The following TMEM132D variants were observed in gnomAD, a reference collection of about 807,000 sequenced individuals.
TMEM132D encodes the protein transmembrane protein 132D.
In TMEM132D, 21 loss-of-function variants were observed where a neutral mutation model predicts 62.3. That is an observed-to-expected ratio of 0.34 (90% CI 0.24 to 0.49). The LOEUF (loss-of-function observed/expected upper bound fraction) is 0.49. TMEM132D is among the 20% of genes least tolerant of loss of function. The pLI is 0.99. For synonymous variants in TMEM132D, 621 were observed against 575.6 expected, an observed-to-expected ratio of 1.08 and a Z score of -1.13; for missense variants, 1,346 against 1,402.8, an observed-to-expected ratio of 0.96 and a Z score of 0.65.
At chr12:129,703,543 A>G (rs936316782) in intron 1 of TMEM132D, among the ~76,000 whole-genome samples, 1 of 151,868 alleles carries the variant, frequency 6.6e-6, no homozygotes, top group Non-Finnish European at 1.5e-5. Context: ...AGTAAAACTC[A>G]TTATCCTCTC....
rs574883920 is a variant in TMEM132D, at chr12:129,270,330, A to G, written c.1300-60667T>C. Among the ~76,000 whole-genome samples, 10 of 152,342 alleles carry G rather than the reference A, an allele frequency of 6.6e-5. No homozygotes were observed. In the South Asian group the frequency reaches 1.9e-3, roughly 28 times the overall value. ...TCTGGTTACCATAGAAACCCTGTAG[A>G]ACACAGGGTACCACTTGAGTTTAAA... is the stretch of plus-strand genomic sequence containing the variant. On this transcript the variant is annotated intron_variant, in intron 4 of 8. Transcript: ENST00000422113.
At chr12:129,167,267 T>A (rs1298692772) in intron 5 of TMEM132D, among the ~76,000 whole-genome samples, 1 of 151,664 alleles carries the variant, frequency 6.6e-6, no homozygotes, top group African/African-American at 2.4e-5. Flanking sequence ...GGCCTCACCA[T>A]CTCGCAGCAG....
At position 129,371,002 on chromosome 12, in the gene TMEM132D, T is replaced by C. The variant is rs1870581340; in HGVS notation, c.1116-33185A>G. 6.6e-6 allele frequency among the ~76,000 whole-genome samples: 1 copy of C among 152,212 alleles called. No individual in the cohort carries two copies. The highest frequency in any genetic ancestry group is 6.5e-5 in the Admixed American group (1 of 15,272). On this transcript the variant is annotated intron_variant, in intron 3 of 8. Transcript: ENST00000422113. The surrounding 1 kb of genome is among the most constrained non-coding windows in gnomAD (Gnocchi z 4.3). ...TTATAGTTAACAATAATTAATTATA[T>C]GTTACAAAAAAATAGCCATAGGAGA... is the stretch of plus-strand genomic sequence containing the variant.
chr12:129,254,519 T>C (rs1271568076), intron 4 of TMEM132D, among the ~76,000 whole-genome samples: 1 of 152,140 alleles, frequency 6.6e-6, no homozygotes, highest in African/African-American at 2.4e-5. Flanking sequence ...GATCCCTCAG[T>C]AATCAAATGG....
chr12:129,559,348 G>A (rs978153430), intron 2 of TMEM132D, among the ~76,000 whole-genome samples: 1 of 152,178 alleles, frequency 6.6e-6, no homozygotes, highest in Non-Finnish European at 1.5e-5. Flanking sequence ...CCTTTGAATG[G>A]TTTTGCATAG....
chr12:129,089,534 GTCCTCCATGACC>G (rs1158029043), intron 5 of TMEM132D, among the ~76,000 whole-genome samples: 1 of 75,520 alleles, frequency 1.3e-5, no homozygotes, highest in Non-Finnish European at 3.4e-5. Flanking sequence ...ATGACCGGGT[GTCCTCCATGACC>G]GGGTGTCCTC....
At chr12:129,322,704 T>C (rs535152667) in intron 4 of TMEM132D, among the ~76,000 whole-genome samples, 2 of 152,304 alleles carry the variant, frequency 1.3e-5, no homozygotes, top group South Asian at 4.1e-4. Flanking sequence ...CTGTTTGATA[T>C]CTTAGGAAAG....
intron 3 of TMEM132D, among the ~76,000 whole-genome samples, chr12:129,437,176 G>A (rs762123690): frequency 6.6e-6 from 1 of 152,122 alleles, no homozygotes; most frequent in Non-Finnish European, 1.5e-5. Context: ...TGGATGATAA[G>A]GTCCTTTGCC....
intron 3 of TMEM132D, among the ~76,000 whole-genome samples, chr12:129,498,049 A>C (rs949151372): frequency 2.6e-5 from 4 of 152,182 alleles, no homozygotes; most frequent in African/African-American, 9.6e-5. Flanking sequence ...GTGAAAATTA[A>C]ACAGAAAAAA....
intron 3 of TMEM132D, among the ~76,000 whole-genome samples, chr12:129,427,200 T>G (rs1872524887): frequency 2.0e-5 from 3 of 152,158 alleles, no homozygotes; most frequent in Non-Finnish European, 1.5e-5. Flanking sequence ...ATATGGATGG[T>G]AAAAGACAGG....
chr12:129,708,521 G>A (rs564775546), intron 1 of TMEM132D, among the ~76,000 whole-genome samples: 1 of 149,080 alleles, frequency 6.7e-6, no homozygotes, highest in Non-Finnish European at 1.5e-5. Flanking sequence ...CCCTGCCTAG[G>A]TGCCAGCAGC....
chr12:129,412,471 T>C (rs889071678), intron 3 of TMEM132D, among the ~76,000 whole-genome samples: 1 of 150,770 alleles, frequency 6.6e-6, no homozygotes, highest in African/African-American at 2.4e-5. Context: ...AGAAGTCTAC[T>C]GGGAATTTTG....
chr12:129,302,023 C>T lies in TMEM132D; in HGVS notation c.1299+35611G>A, dbSNP rs989370317. On this transcript the variant is annotated intron_variant, in intron 4 of 8. Coordinates refer to ENST00000422113, the MANE Select transcript of TMEM132D (RefSeq NM_133448.3). The stretch of plus-strand genomic sequence containing the variant: ...GCTTCTATCTAAAGGACATAAACTA[C>T]AGCTACTGTGAATCCCAGTGGTTTT... 2.0e-5 allele frequency among the ~76,000 whole-genome samples: 3 copies of T among 152,252 alleles called. No homozygotes were observed. The East Asian group carries it at 5.8e-4, about 29-fold the overall frequency.
chr12:129,882,235 G>C (rs756660122), intron 1 of TMEM132D, among the ~76,000 whole-genome samples: 2 of 152,050 alleles, frequency 1.3e-5, no homozygotes, highest in Non-Finnish European at 2.9e-5. Context: ...GTCTCTTCCA[G>C]AAAATAGAAG....
At position 129,755,812 on chromosome 12, in the gene TMEM132D, AACCT is replaced by A. The variant is rs1161597507; in HGVS notation, c.80-55118_80-55115del. On this transcript the variant is annotated intron_variant, in intron 1 of 8. Coordinates refer to ENST00000422113, the MANE Select transcript of TMEM132D (RefSeq NM_133448.3). ...CCATTCCTGTCCCAAGCACCGGTAA[AACCT>A]ACCTTTCACCAATGCCCCATCTATC... Among the ~76,000 whole-genome samples the A allele has an allele frequency of 5.3e-5, 8 of 152,240 alleles. No individual in the cohort carries two copies. The East Asian group carries it at 1.5e-3, about 29-fold the overall frequency.
chr12:129,866,432 G>A (rs768666849), intron 1 of TMEM132D, among the ~76,000 whole-genome samples: 1 of 142,686 alleles, frequency 7.0e-6, no homozygotes, highest in Non-Finnish European at 1.5e-5. Context: ...ATCACACACC[G>A]GGGCCTGTTG....
At chr12:129,158,082 G>A (rs1415136608) in intron 5 of TMEM132D, among the ~76,000 whole-genome samples, 1 of 152,190 alleles carries the variant, frequency 6.6e-6, no homozygotes, top group East Asian at 1.9e-4. Context: ...CATATGGAGA[G>A]TGGTTTGGGA....
At chr12:129,332,063 A>T (rs567471298) in intron 4 of TMEM132D, among the ~76,000 whole-genome samples, 3 of 152,332 alleles carry the variant, frequency 2.0e-5, no homozygotes, top group Admixed American at 6.5e-5. Context: ...TATAAAAATT[A>T]GCTGGGCTAA....
rs554782087 is a variant in TMEM132D, at chr12:129,089,202, G to GA, written c.1444-4501_1444-4500insT. On this transcript the variant is annotated intron_variant, in intron 5 of 8. Coordinates refer to ENST00000422113, the MANE Select transcript of TMEM132D (RefSeq NM_133448.3). ...TGACCGGGATGTCCTCCATGACCGG[G>GA]TGTCCTCTATGACCGGGTGTCCTCT... 4.0e-4 allele frequency among the ~76,000 whole-genome samples: 15 copies of GA among 37,254 alleles called. 3 individuals carry two copies. Among genetic ancestry groups the GA allele is most frequent in the African/African-American group, 2.9e-3 (12 of 4,132 alleles). 24.4% of individuals were successfully genotyped at this position (37,254 alleles called of 152,430 possible). A position where few individuals can be genotyped will look rare whatever the true frequency, so the allele number is the denominator to read the frequency against.
Sources: allele counts gnomAD v4.1 joint callset (sites outside exome capture counted in the v4.1 genomes callset), GRCh38; gene constraint gnomAD v4.1.1; non-coding constraint Gnocchi (gnomAD v3.1); transcripts MANE v1.5; gene names NCBI Gene and HGNC (gene_info 2026-07-23, HGNC 2026-07-21).